MACROD2: variants seen among roughly 807,000 people sequenced by gnomAD.
MACROD2 encodes the protein ADP-ribose glycohydrolase MACROD2.
In MACROD2, 36 loss-of-function variants were observed where a neutral mutation model predicts 70.4. That is an observed-to-expected ratio of 0.51 (90% CI 0.39 to 0.68). MACROD2 has a LOEUF of 0.68. Among genes scored for constraint, MACROD2 ranks in the 30% least tolerant of loss-of-function variants. The probability of loss-of-function intolerance (pLI) is 0.00; values close to 1 mark genes in which losing one functional copy is unlikely to be tolerated. For synonymous variants in MACROD2, 172 were observed against 178.8 expected (o/e 0.96, Z 0.30); for missense variants, 496 against 538.4 (o/e 0.92, Z 0.78).
chr20:14,766,758 A>G lies in MACROD2; in HGVS notation c.418+81799A>G, dbSNP rs1419392473. Among the ~76,000 whole-genome samples, 3 of 152,134 alleles carry G rather than the reference A, an allele frequency of 2.0e-5. No individual in the cohort carries two copies. The East Asian group carries it at 5.8e-4, about 29-fold the overall frequency. On this transcript the variant is annotated intron_variant, in intron 5 of 17. Coordinates refer to ENST00000684519, the MANE Select transcript of MACROD2 (RefSeq NM_001351661.2). ...CTCAAGGAGCTTGTTCTTAAAGTTA[A>G]GTGTTGTACTCATTTATCAGTCCAG...
chr20:15,580,062 C>A (rs2048502967), intron 8 of MACROD2, among the ~76,000 whole-genome samples: 1 of 152,142 alleles, frequency 6.6e-6, no homozygotes, highest in Non-Finnish European at 1.5e-5. Context: ...TCTGTGGTCA[C>A]TGGGAATCAA....
chr20:14,524,251 T>A (rs2085204062), intron 4 of MACROD2, among the ~76,000 whole-genome samples: 2 of 152,156 alleles, frequency 1.3e-5, no homozygotes, highest in African/African-American at 4.8e-5. Context: ...ATGGTGAAAA[T>A]TTTTTAAAAC....
intron 2 of MACROD2, among the ~76,000 whole-genome samples, chr20:14,071,252 GTTTTTTTTTTTTTT>G (rs59052053): frequency 1.6e-5 from 1 of 63,936 alleles, no homozygotes; most frequent in Non-Finnish European, 2.9e-5. Flanking sequence ...TTCATCTTGT[GTTTTTTTTTTTTTT>G]TTTTTTTTTT....
intron 5 of MACROD2, among the ~76,000 whole-genome samples, chr20:15,063,680 T>C (rs1013328231): frequency 6.6e-6 from 1 of 152,184 alleles, no homozygotes; most frequent in African/African-American, 2.4e-5. Context: ...CAGCCACACA[T>C]ATTGTGTGTA....
intron 5 of MACROD2, among the ~76,000 whole-genome samples, chr20:14,792,073 GT>G (rs1568798362): frequency 6.6e-6 from 1 of 151,776 alleles, no homozygotes; most frequent in South Asian, 2.1e-4. Flanking sequence ...ACACTTGAGG[GT>G]TTTTTTAATG....
intron 5 of MACROD2, chr20:14,895,392 G>T (rs1448902305): frequency 6.6e-6 from 1 of 152,068 alleles, no homozygotes; most frequent in Non-Finnish European, 1.5e-5. Context: ...ATGGTTGGGG[G>T]GCAAGTATAG....
chr20:15,168,640 T>C (rs751972011), intron 5 of MACROD2, among the ~76,000 whole-genome samples: 12 of 152,030 alleles, frequency 7.9e-5, no homozygotes, highest in African/African-American at 2.7e-4. Flanking sequence ...GGCAGATGAA[T>C]GGATAAACAA....
chr20:14,325,915 G>A lies in MACROD2; in HGVS notation c.272-167564G>A, dbSNP rs755907964. The A allele has an allele frequency of 2.3e-5, 37 of 1,613,830 alleles. 1 individual carries two copies. The South Asian group carries it at 3.7e-4, about 16-fold the overall frequency. On this transcript the variant is annotated intron_variant, in intron 3 of 17. Coordinates refer to ENST00000684519, the MANE Select transcript of MACROD2 (RefSeq NM_001351661.2). The stretch of plus-strand genomic sequence containing the variant: ...CAGGGCCACAGCCCCACCAATGATG[G>A]CAGCCAAAGGTAAATTGGGGTTTTT...
At chr20:14,225,585 G>C (rs571703234) in intron 3 of MACROD2, among the ~76,000 whole-genome samples, 1 of 152,058 alleles carries the variant, frequency 6.6e-6, no homozygotes, top group Non-Finnish European at 1.5e-5. Context: ...GATCAATATC[G>C]CCTTTTAAAC....
intron 10 of MACROD2, chr20:15,893,119 A>G: frequency 2.5e-6 from 1 of 400,318 alleles, no homozygotes; most frequent in Non-Finnish European, 4.4e-6. Context: ...CCTAAGGGTT[A>G]AAATATCACA....
chr20:14,483,558 C>G (rs1174204994), intron 3 of MACROD2, among the ~76,000 whole-genome samples: 1 of 152,062 alleles, frequency 6.6e-6, no homozygotes, highest in African/African-American at 2.4e-5. Context: ...AGGCATGTGC[C>G]GCCACGCCTG....
At chr20:15,860,474 C>T (rs1026048829) in intron 8 of MACROD2, among the ~76,000 whole-genome samples, 4 of 152,146 alleles carry the variant, frequency 2.6e-5, no homozygotes, top group Admixed American at 6.5e-5. Flanking sequence ...AGAATAATTA[C>T]GATCTTTGGA....
intron 5 of MACROD2, among the ~76,000 whole-genome samples, chr20:15,151,004 G>A (rs991081993): frequency 1.3e-5 from 2 of 152,066 alleles, no homozygotes; most frequent in South Asian, 2.1e-4. Flanking sequence ...AGAAGGGGAC[G>A]GACTTACCCT....
chr20:14,718,292 C>CAAAAAAAAAAAAAAAAAAAA (rs11358439), intron 5 of MACROD2, among the ~76,000 whole-genome samples: 4 of 54,646 alleles, frequency 7.3e-5, no homozygotes, highest in Non-Finnish European at 1.2e-4. Flanking sequence ...GACTCTGTCT[C>CAAAAAAAAAAAAAAAAAAAA]AAAAAAAAAA....
chr20:15,938,893 T>G (rs2065707954), intron 12 of MACROD2, among the ~76,000 whole-genome samples: 3 of 152,196 alleles, frequency 2.0e-5, no homozygotes, highest in African/African-American at 7.2e-5. Context: ...GAAACAGCCT[T>G]ATTGCTGATA....
chr20:14,881,384 A>C (rs1406191360), intron 5 of MACROD2, among the ~76,000 whole-genome samples: 3 of 151,728 alleles, frequency 2.0e-5, no homozygotes, highest in Admixed American at 2.0e-4. Flanking sequence ...GAGGCAAAAT[A>C]AAAGCTGGTG....
intron 2 of MACROD2, among the ~76,000 whole-genome samples, chr20:14,068,022 C>T (rs2053788505): frequency 6.6e-6 from 1 of 152,094 alleles, no homozygotes; most frequent in African/African-American, 2.4e-5. Flanking sequence ...CTATAAAACT[C>T]GACTTTATTT....
intron 6 of MACROD2, among the ~76,000 whole-genome samples, chr20:15,369,953 C>A (rs950342405): frequency 1.4e-4 from 22 of 152,050 alleles, no homozygotes; most frequent in Admixed American, 9.8e-4. Context: ...CAAATTAATT[C>A]TAAAAATCTC....
chr20:15,638,073 G>A (rs763396235), intron 8 of MACROD2, among the ~76,000 whole-genome samples: 6 of 152,220 alleles, frequency 3.9e-5, no homozygotes, highest in Admixed American at 2.0e-4. Flanking sequence ...TAAAGCATGT[G>A]TTCTAACTGA....
Sources: allele counts gnomAD v4.1 joint callset (sites outside exome capture counted in the v4.1 genomes callset), GRCh38; gene constraint gnomAD v4.1.1; transcripts MANE v1.5; gene names NCBI Gene and HGNC (gene_info 2026-07-23, HGNC 2026-07-21).